Variants in ADAMTS1 observed in about 807,000 individuals in gnomAD.
ADAMTS1 encodes A disintegrin and metalloproteinase with thrombospondin motifs 1.
ADAMTS1 carries 19 observed loss-of-function variants against 87.9 expected under a neutral mutation model. That is an observed-to-expected ratio of 0.22 (90% CI 0.15 to 0.32). ADAMTS1 has a LOEUF of 0.32. ADAMTS1 is among the 10% of genes least tolerant of loss of function. The probability of loss-of-function intolerance (pLI) is 1.00; values close to 1 mark genes in which losing one functional copy is unlikely to be tolerated. For synonymous variants in ADAMTS1, 542 were observed against 501.8 expected, an observed-to-expected ratio of 1.08 and a Z score of -1.07; for missense variants, 1,240 against 1,259.1, an observed-to-expected ratio of 0.98 and a Z score of 0.23.
In ADAMTS1 at chr21:26,844,421, C is replaced by G. The variant is rs1220170226; in HGVS notation, c.534G>C (p.Pro178=). ...LATAAPGEKP[P]APLQFHLLRR... Reference sequence around the variant, plus strand: ...GCAGGAGGTGGAACTGTAGTGGTGCCGGCGGCTTCTCCCCTGGGGCGGCGG... The same window carrying G: ...GCAGGAGGTGGAACTGTAGTGGTGCGGGCGGCTTCTCCCCTGGGGCGGCGG... Residue 178 remains proline, a synonymous_variant, in exon 1 of 9, where the codon CCG becomes CCC. Transcript: ENST00000284984. The G allele has an allele frequency of 4.4e-6, 7 of 1,588,846 alleles. No individual in the cohort carries two copies. Among genetic ancestry groups the G allele is most frequent in the Middle Eastern group, 3.3e-4 (2 of 5,980 alleles).
intron 1 of ADAMTS1, 114 bp from the exon 2 acceptor site, chr21:26,842,799 A>C: frequency 1.3e-6 from 1 of 785,156 alleles, no homozygotes; most frequent in Non-Finnish European, 2.0e-6. Context: ...AAATATACCC[A>C]GAACAACAAT....
chr21:26,843,908 C>T (rs946606220), intron 1 of ADAMTS1: 4 of 499,454 alleles, frequency 8.0e-6, no homozygotes, highest in Non-Finnish European at 1.5e-5. Flanking sequence ...AGAACTCGCA[C>T]AAGCTCCAAC....
At chr21:26,841,708 T>C (rs1292634851) in intron 3 of ADAMTS1, 150 bp downstream of exon 3, 2 of 856,828 alleles carry the variant, frequency 2.3e-6, no homozygotes, top group South Asian at 2.4e-5. Context: ...AAAATGACCA[T>C]GTTTGAAATA....
chr21:26,838,699 T>C lies in ADAMTS1; in HGVS notation c.2029-85A>G, dbSNP rs1401503031. ...ATAAGTGTAAACATTTTCTCTCTAC[T>C]TTCCTGACCATGCTAATTAAACACA... On this transcript the variant is annotated intron_variant, in intron 7 of 8. Transcript: ENST00000284984. 2.2e-6 allele frequency: 3 copies of C among 1,355,566 alleles called. No individual in the cohort carries two copies. In the East Asian group the frequency reaches 7.2e-5, roughly 32 times the overall value. 84.0% of individuals were successfully genotyped at this position (1,355,566 alleles called of 1,614,324 possible).
In ADAMTS1 at chr21:26,844,995, GA is replaced by G; in HGVS notation, c.-42del. The G allele has an allele frequency of 6.7e-7, 1 of 1,489,410 alleles. No individual in the cohort carries two copies. The highest frequency in any genetic ancestry group is 8.9e-7 in the Non-Finnish European group (1 of 1,124,092). 92.3% of individuals were successfully genotyped at this position (1,489,410 alleles called of 1,614,324 possible). ...CACCGCTCGTAGCAGCGCACGGAGCGAGGGACCTTTAGTTCGGGTCGGGAGA... is the reference window on the plus strand; with the variant it reads ...CACCGCTCGTAGCAGCGCACGGAGCGGGGACCTTTAGTTCGGGTCGGGAGA... On this transcript the variant is annotated 5_prime_UTR_variant, in exon 1 of 9. Transcript: ENST00000284984.
At position 26,836,052 on chromosome 21, in the gene ADAMTS1, G is replaced by A. The variant is rs1049951020; in HGVS notation, c.*1527C>T. 1 of 152,166 alleles carries A rather than the reference G, an allele frequency of 6.6e-6. No homozygotes were observed. The highest frequency in any genetic ancestry group is 2.1e-4 in the South Asian group (1 of 4,826). The allele number at this position is 152,166 out of a possible 1,614,324, so 9.4% of individuals were successfully genotyped here. On this transcript the variant is annotated 3_prime_UTR_variant, in exon 9 of 9. Coordinates refer to ENST00000284984, the MANE Select transcript of ADAMTS1 (RefSeq NM_006988.5). Reference sequence around the variant, plus strand: ...CTGATGTATATTATTAGATACATTAGTAACAAATGACATCATAAATTTCTT... The same window carrying A: ...CTGATGTATATTATTAGATACATTAATAACAAATGACATCATAAATTTCTT...
rs910397647 is a variant in ADAMTS1, at chr21:26,842,644, G to A, written c.772C>T (p.Arg258Cys). The A allele has an allele frequency of 8.1e-6, 13 of 1,613,824 alleles. No individual in the cohort carries two copies. Among genetic ancestry groups the A allele is most frequent in the East Asian group, 4.5e-5 (2 of 44,870 alleles). The change falls in exon 2 of 9, where the codon CGC (arginine) becomes TGC (cysteine). Residue 258 changes from arginine (R) to cysteine (C), a missense_variant. Arg to Cys is a radical substitution (Grantham distance 180, BLOSUM62 -3). Around this residue, in one of 3 missense-constraint regions of ADAMTS1, gnomAD observed 521 missense variants for 449.7 expected, o/e 1.16. Transcript: ENST00000284984. ...IRKKRFVSSH[R>C]YVETMLVADQ... ...GCCACAAGCATGGTTTCCACATAGCGGTGACTGGACACAAATCGCTTCTTT... is the reference window on the plus strand; with the variant it reads ...GCCACAAGCATGGTTTCCACATAGCAGTGACTGGACACAAATCGCTTCTTT...
rs1052336256 is a variant in ADAMTS1, at chr21:26,844,906, C to T, written c.49G>A (p.Asp17Asn). 6 of 1,523,004 alleles carry T rather than the reference C, an allele frequency of 3.9e-6. No homozygotes were observed. Among genetic ancestry groups the T allele is most frequent in the South Asian group, 3.8e-5 (3 of 79,492 alleles). The allele number at this position is 1,523,004 out of a possible 1,614,324, so 94.3% of individuals were successfully genotyped here. A position where few individuals can be genotyped will look rare whatever the true frequency, so the allele number is the denominator to read the frequency against. ...EGFGRRKLGS[D>N]MGNAERAPGS... is the part of the protein sequence containing the mutation. ...GGAGCCCGCTCCGCGTTCCCCATGTCGCTGCCCAGCTTGCGCCTTCCGAAC... is the reference window on the plus strand; with the variant it reads ...GGAGCCCGCTCCGCGTTCCCCATGTTGCTGCCCAGCTTGCGCCTTCCGAAC... Residue 17 changes from aspartate to asparagine, a missense_variant, in exon 1 of 9, where the codon GAC becomes AAC. Asp to Asn is a conservative substitution (Grantham distance 23, BLOSUM62 1). Around this residue, in one of 3 missense-constraint regions of ADAMTS1, gnomAD observed 521 missense variants for 449.7 expected, o/e 1.16. Coordinates refer to ENST00000284984, the MANE Select transcript of ADAMTS1 (RefSeq NM_006988.5).
At position 26,845,047 on chromosome 21, in the gene ADAMTS1, A is replaced by C; in HGVS notation, c.-93T>G. 1 of 1,352,206 alleles carries C rather than the reference A, an allele frequency of 7.4e-7. No homozygotes were observed. 83.8% of individuals were successfully genotyped at this position (1,352,206 alleles called of 1,614,324 possible). On this transcript the variant is annotated 5_prime_UTR_variant, in exon 1 of 9. Transcript: ENST00000284984. ...GCAAAGCCTCGTTGGCCTGCTCTGG[A>C]TTGTTAAAATTAACAATTTCTATTA...
Position 26,838,490 on chromosome 21 carries a change from C to T in ADAMTS1, c.2153G>A (p.Gly718Glu). The stretch of plus-strand genomic sequence containing the variant: ...TTTTTTACAAGTAGATCCATTTCCC[C>T]CGCAAACACCACATTTATCAAACTT... ...KKKFDKCGVC[G>E]GNGSTCKKIS... The change falls in exon 8 of 9, where the codon GGG becomes GAG. Residue 718 changes from glycine (G) to glutamate (E), a missense_variant. Coordinates refer to ENST00000284984, the MANE Select transcript of ADAMTS1 (RefSeq NM_006988.5). 6.2e-7 allele frequency: 1 copy of T among 1,614,144 alleles called. No individual in the cohort carries two copies. The highest frequency in any genetic ancestry group is 8.5e-7 in the Non-Finnish European group (1 of 1,180,032).
At position 26,835,951 on chromosome 21, in the gene ADAMTS1, A is replaced by G. The variant is rs1202703999; in HGVS notation, c.*1628T>C. 3.9e-5 allele frequency: 6 copies of G among 152,244 alleles called. No individual in the cohort carries two copies. The highest frequency in any genetic ancestry group is 8.8e-5 in the Non-Finnish European group (6 of 68,040). 9.4% of individuals were successfully genotyped at this position (152,244 alleles called of 1,614,324 possible). Reference sequence around the variant, plus strand: ...CAGTTGTGACATAGATGGTATTGACAGGATAGTTATTGACAGGATTGACAA... The same window carrying G: ...CAGTTGTGACATAGATGGTATTGACGGGATAGTTATTGACAGGATTGACAA... On this transcript the variant is annotated 3_prime_UTR_variant, in exon 9 of 9. Transcript: ENST00000284984.
At position 26,840,473 on chromosome 21, in the gene ADAMTS1, A is replaced by T; in HGVS notation, c.1468T>A (p.Phe490Ile). ...TSYDANRQCQ[F>I]TFGEDSKHCP... ...TGTTTGGAGTCCTCCCCAAATGTAA[A>T]CTGGCACTGCCGGTTGGCATCGTAC... The change falls in exon 5 of 9, where the codon TTT becomes ATT. Residue 490 changes from phenylalanine (F) to isoleucine (I), a missense_variant. Transcript: ENST00000284984. The T allele has an allele frequency of 6.2e-7, 1 of 1,614,128 alleles. No individual in the cohort carries two copies. The highest frequency in any genetic ancestry group is 1.6e-4 in the Middle Eastern group (1 of 6,062).
At position 26,842,085 on chromosome 21, in the gene ADAMTS1, A is replaced by T; in HGVS notation, c.1078-95T>A. Reference sequence around the variant, plus strand: ...GGGTGTGCCTTCACATATGCTTTGGAGCATCTACATTCATTATTGTTGACA... The same window carrying T: ...GGGTGTGCCTTCACATATGCTTTGGTGCATCTACATTCATTATTGTTGACA... On this transcript the variant is annotated intron_variant, in intron 2 of 8. Coordinates refer to ENST00000284984, the MANE Select transcript of ADAMTS1 (RefSeq NM_006988.5). 4 of 1,365,544 alleles carry T rather than the reference A, an allele frequency of 2.9e-6. No homozygotes were observed. The South Asian group carries it at 5.7e-5, about 20-fold the overall frequency. The allele number at this position is 1,365,544 out of a possible 1,614,324, so 84.6% of individuals were successfully genotyped here. A position where few individuals can be genotyped will look rare whatever the true frequency, so the allele number is the denominator to read the frequency against.
chr21:26,842,693 GA>G lies in ADAMTS1; in HGVS notation c.731-9del, dbSNP rs372440260. Reference sequence around the variant, plus strand: ...TTCTTATGCTTCCAGTTCCTGTAAAGAAAAAAAAAAGTTTGCTTATGGTCAG... The same window carrying G: ...TTCTTATGCTTCCAGTTCCTGTAAAGAAAAAAAAAGTTTGCTTATGGTCAG... On this transcript the variant is annotated splice_polypyrimidine_tract_variant and intron_variant, in intron 1 of 8. Coordinates refer to ENST00000284984, the MANE Select transcript of ADAMTS1 (RefSeq NM_006988.5). 3.3e-4 allele frequency: 494 copies of G among 1,518,770 alleles called. 3 individuals are homozygous for G. The highest frequency in any genetic ancestry group is 1.6e-3 in the East Asian group (70 of 42,822). The allele number at this position is 1,518,770 out of a possible 1,614,324, so 94.1% of individuals were successfully genotyped here.
In ADAMTS1 at chr21:26,838,529, A is replaced by C. The variant is rs1277728106; in HGVS notation, c.2114T>G (p.Ile705Arg). ...TTTATCAAACTTCTTTTTGGAGTCTATGATGCGATCACAACCAGCTTTTAC... is the reference window on the plus strand; with the variant it reads ...TTTATCAAACTTCTTTTTGGAGTCTCTGATGCGATCACAACCAGCTTTTAC... ...QCVKAGCDRIIDSKKKFDKCG... is the reference protein window; with the variant it reads ...QCVKAGCDRIRDSKKKFDKCG... The change falls in exon 8 of 9, where the codon ATA (isoleucine) becomes AGA (arginine). Residue 705 changes from isoleucine to arginine, a missense_variant. Physicochemically the swap from Ile to Arg is moderately conservative, Grantham distance 97 (BLOSUM62 -3). Coordinates refer to ENST00000284984, the MANE Select transcript of ADAMTS1 (RefSeq NM_006988.5). 5 of 1,614,082 alleles carry C rather than the reference A, an allele frequency of 3.1e-6. No individual in the cohort carries two copies. Among genetic ancestry groups the C allele is most frequent in the Non-Finnish European group, 4.2e-6 (5 of 1,180,034 alleles).
intron 7 of ADAMTS1, 125 bp downstream of exon 7, chr21:26,839,462 G>A (rs568014461): frequency 3.1e-5 from 27 of 867,504 alleles, no homozygotes; most frequent in Middle Eastern, 3.8e-4. Context: ...AAAAGAAAAG[G>A]AGTTCAAATT....
In ADAMTS1 at chr21:26,844,779, T is replaced by A; in HGVS notation, c.176A>T (p.Glu59Val). The A allele has an allele frequency of 6.5e-7, 1 of 1,545,858 alleles. No homozygotes were observed. The highest frequency in any genetic ancestry group is 8.7e-7 in the Non-Finnish European group (1 of 1,143,576). Residue 59 changes from glutamate to valine, a missense_variant, in exon 1 of 9, where the codon GAG (glutamate) becomes GTG (valine). This residue lies in a region of ADAMTS1 where 521 missense variants were observed against 449.7 expected (regional missense o/e 1.16). Coordinates refer to ENST00000284984, the MANE Select transcript of ADAMTS1 (RefSeq NM_006988.5). ...GCGCTCCAGCTCCGGCACCACTAGCTCCTCGTCCTCCTCGGAGGGGCGCCC... is the reference window on the plus strand; with the variant it reads ...GCGCTCCAGCTCCGGCACCACTAGCACCTCGTCCTCCTCGGAGGGGCGCCC... The part of the protein sequence containing the change: ...ALGRPSEEDE[E>V]LVVPELERAP...
Position 26,839,661 on chromosome 21 carries a change from C to T in ADAMTS1, c.1954G>A (p.Val652Ile), listed in dbSNP as rs201769018. 59 of 1,613,876 alleles carry T rather than the reference C, an allele frequency of 3.7e-5. No homozygotes were observed. The highest frequency in any genetic ancestry group is 8.0e-5 in the African/African-American group (6 of 75,038). ...AGCTTGCACCTGTCCTTTGGTGAGA[C>T]GCCAGCGTACTTGGGAATCCATTCC... ...AVEWIPKYAG[V>I]SPKDRCKLIC... The change falls in exon 7 of 9, where the codon GTC becomes ATC. Residue 652 changes from valine to isoleucine, a missense_variant. Val to Ile is a conservative substitution (Grantham distance 29). This residue lies in a region of ADAMTS1 where 402 missense variants were observed against 399.1 expected (regional missense o/e 1.01). Transcript: ENST00000284984.
Position 26,845,391 on chromosome 21 carries a change from G to C in ADAMTS1, c.-437C>G, listed in dbSNP as rs1048711639. 1.1e-4 allele frequency: 18 copies of C among 162,752 alleles called. No homozygotes were observed. Among genetic ancestry groups the C allele is most frequent in the Non-Finnish European group, 1.9e-4 (14 of 75,644 alleles). 10.1% of individuals were successfully genotyped at this position (162,752 alleles called of 1,614,324 possible). A position where few individuals can be genotyped will look rare whatever the true frequency, so the allele number is the denominator to read the frequency against. ...GCTTTGCAATAGCCCCTGGCTCGGAGCCGCTTTCCAGCGAGTGCAAGAACC... is the reference window on the plus strand; with the variant it reads ...GCTTTGCAATAGCCCCTGGCTCGGACCCGCTTTCCAGCGAGTGCAAGAACC... On this transcript the variant is annotated 5_prime_UTR_variant, in exon 1 of 9. Coordinates refer to ENST00000284984, the MANE Select transcript of ADAMTS1 (RefSeq NM_006988.5).
Sources: allele counts gnomAD v4.1 joint callset, GRCh38; gene constraint gnomAD v4.1.1; regional missense constraint gnomAD v4.1.1; transcripts MANE v1.5; gene names NCBI Gene and HGNC (gene_info 2026-07-23, HGNC 2026-07-21).